Variants in SHPRH observed in about 807,000 individuals in gnomAD.
The protein encoded by SHPRH is SNF2 histone linker PHD RING helicase, also known as E3 ubiquitin-protein ligase SHPRH.
In SHPRH, 106 loss-of-function variants were observed where a neutral mutation model predicts 202.5. The observed-to-expected ratio is 0.52, with a 90% CI of 0.45 to 0.62. SHPRH has a LOEUF of 0.62. Ranked by LOEUF, SHPRH falls within the 20% of genes least tolerant of loss-of-function variation. The probability of loss-of-function intolerance (pLI) is 0.00; values close to 1 mark genes in which losing one functional copy is unlikely to be tolerated. For synonymous variants in SHPRH, 729 were observed against 686.0 expected, an observed-to-expected ratio of 1.06 and a Z score of -0.98; for missense variants, 1,710 against 2,020.0, an observed-to-expected ratio of 0.85 and a Z score of 2.94.
chr6:145,943,123 T>G lies in SHPRH; in HGVS notation c.2238+20A>C. ...AAAACTTTACATTTTCCTCTCCCTC[T>G]TTAGTCCAAGTGGCCTTACCAAGAC... On this transcript the variant is annotated intron_variant, in intron 9 of 29. Transcript: ENST00000275233. 1.3e-6 allele frequency: 2 copies of G among 1,545,404 alleles called. No homozygotes were observed. Among genetic ancestry groups the G allele is most frequent in the Non-Finnish European group, 1.7e-6 (2 of 1,147,480 alleles).
chr6:145,919,616 G>A (rs183660714), intron 21 of SHPRH, 125 bp from the exon 22 acceptor site: 15 of 1,057,574 alleles, frequency 1.4e-5, no homozygotes, highest in East Asian at 1.1e-4. Context: ...TGTGTCTAAC[G>A]TACAAGTAGT....
At chr6:145,947,470 C>A in intron 6 of SHPRH, 23 bp downstream of exon 6, 5 of 1,604,458 alleles carry the variant, frequency 3.1e-6, no homozygotes, top group Non-Finnish European at 4.3e-6. Flanking sequence ...CCTGCTTTTG[C>A]AAGCCCTACT....
At position 145,935,104 on chromosome 6, in the gene SHPRH, C is replaced by T. The variant is rs1181786665; in HGVS notation, c.2793G>A (p.Arg931=). ...CCTCATGCTGACGGTGATAGAAATGCCTTTCCACTGGAGAAAAGTGGAGCC... is the reference window on the plus strand; with the variant it reads ...CCTCATGCTGACGGTGATAGAAATGTCTTTCCACTGGAGAAAAGTGGAGCC... The part of the protein sequence containing the change: ...IHWLHFSPVE[R]HFYHRQHEVC... The change falls in exon 13 of 30, where the codon AGG becomes AGA. Residue 931 remains arginine, a synonymous_variant. Coordinates refer to ENST00000275233, the MANE Select transcript of SHPRH (RefSeq NM_001042683.3). 2.5e-6 allele frequency: 4 copies of T among 1,613,530 alleles called. No individual in the cohort carries two copies. In the African/African-American group the frequency reaches 5.4e-5, roughly 22 times the overall value.
chr6:145,938,978 T>C (rs1274681714), intron 11 of SHPRH, among the ~76,000 whole-genome samples: 2 of 152,142 alleles, frequency 1.3e-5, no homozygotes, highest in African/African-American at 4.8e-5. Context: ...CAGCATCTAG[T>C]GGGTAGAAGC....
At chr6:145,907,943 T>G (rs1438297594) in intron 25 of SHPRH, 5 of 151,946 alleles carry the variant, frequency 3.3e-5, no homozygotes, top group African/African-American at 1.2e-4. Context: ...CAAGCCCTGG[T>G]GTGTGTGTTG....
chr6:145,945,692 T>C, intron 7 of SHPRH, 55 bp from the exon 8 acceptor site: 1 of 1,500,414 alleles, frequency 6.7e-7, no homozygotes, highest in Non-Finnish European at 8.9e-7. Flanking sequence ...GAAAAGAAAG[T>C]AAAACTTGGT....
At chr6:145,954,272 G>T (rs1392631752) in intron 2 of SHPRH, among the ~76,000 whole-genome samples, 1 of 151,952 alleles carries the variant, frequency 6.6e-6, no homozygotes, top group Non-Finnish European at 1.5e-5. Flanking sequence ...AAGGCTCAAG[G>T]GCTTGTCAAG....
At chr6:145,910,693 G>T in intron 24 of SHPRH, 57 bp from the exon 25 acceptor site, 1 of 1,424,294 alleles carries the variant, frequency 7.0e-7, no homozygotes, top group African/African-American at 1.4e-5. Flanking sequence ...CAATTTATAA[G>T]CATATTAAAA....
At chr6:145,944,607 C>T (rs1431134042) in intron 8 of SHPRH, among the ~76,000 whole-genome samples, 1 of 151,798 alleles carries the variant, frequency 6.6e-6, no homozygotes, top group East Asian at 1.9e-4. Flanking sequence ...TCACTGCTGT[C>T]TTCAGTGCTA....
chr6:145,932,923 T>C, intron 14 of SHPRH, 134 bp downstream of exon 14: 2 of 979,728 alleles, frequency 2.0e-6, no homozygotes, highest in Non-Finnish European at 2.9e-6. Context: ...CTATTTAAAC[T>C]ATATTCAGTA....
chr6:145,892,519 G>A (rs114421990), intron 28 of SHPRH, among the ~76,000 whole-genome samples: 5,855 of 151,916 alleles, frequency 0.039, 379 homozygotes, highest in African/African-American at 0.13. Context: ...TACAGTAGGT[G>A]CTCAATAAAT....
At chr6:145,954,086 T>A (rs943582821) in intron 2 of SHPRH, among the ~76,000 whole-genome samples, 1 of 151,488 alleles carries the variant, frequency 6.6e-6, no homozygotes, top group Non-Finnish European at 1.5e-5. Context: ...GTGAATTAAA[T>A]GCTATACTAA....
At chr6:145,937,288 T>C (rs577476737) in intron 11 of SHPRH, among the ~76,000 whole-genome samples, 23 of 152,284 alleles carry the variant, frequency 1.5e-4, no homozygotes, top group Middle Eastern at 3.4e-3. Flanking sequence ...CATGCTTCTT[T>C]TCTGGTAGTA....
At chr6:145,901,828 C>T (rs1475145059) in intron 25 of SHPRH, among the ~76,000 whole-genome samples, 1 of 152,042 alleles carries the variant, frequency 6.6e-6, no homozygotes, top group Non-Finnish European at 1.5e-5. Context: ...ACACACACAC[C>T]CTAATCCTAA....
intron 2 of SHPRH, among the ~76,000 whole-genome samples, chr6:145,865,020 C>T (rs997486066): frequency 1.3e-5 from 2 of 151,852 alleles, no homozygotes; most frequent in Admixed American, 6.6e-5. Flanking sequence ...TAGTATGGAA[C>T]ATTCAGAAAC....
chr6:145,920,394 A>G (rs758315148), intron 21 of SHPRH, among the ~76,000 whole-genome samples: 16 of 152,136 alleles, frequency 1.1e-4, no homozygotes, highest in South Asian at 2.1e-4. Context: ...TTGTATTCAC[A>G]TGAGTAATGT....
chr6:145,923,877 GA>G, intron 17 of SHPRH, 92 bp from the exon 18 acceptor site: 1 of 1,293,730 alleles, frequency 7.7e-7, no homozygotes, highest in Non-Finnish European at 1.1e-6. Context: ...AAAATTCAAA[GA>G]AAGTAATAAA....
chr6:145,896,083 A>G (rs930822844), intron 25 of SHPRH, among the ~76,000 whole-genome samples: 1 of 152,060 alleles, frequency 6.6e-6, no homozygotes, highest in Admixed American at 6.6e-5. Flanking sequence ...AGAAACATTC[A>G]AAGGTAAAAA....
intron 23 of SHPRH, among the ~76,000 whole-genome samples, chr6:145,914,098 T>G (rs912675215): frequency 1.3e-5 from 2 of 152,128 alleles, no homozygotes; most frequent in African/African-American, 2.4e-5. Context: ...CACCTACAAA[T>G]TTAGTGGCTT....
Sources: gnomAD v4.1 joint callset for allele counts (sites outside exome capture counted in the v4.1 genomes callset) on GRCh38, gnomAD v4.1.1 for gene constraint, MANE v1.5 for transcripts, NCBI Gene and HGNC (gene_info 2026-07-23, HGNC 2026-07-21) for gene names.